NTSR1: variants seen among roughly 807,000 people sequenced by gnomAD.
NTSR1 encodes the protein neurotensin receptor 1, also known as neurotensin receptor type 1.
Under a neutral mutation model 31.2 loss-of-function variants are expected in NTSR1, and 29 were observed. That is an observed-to-expected ratio of 0.93 (90% CI 0.69 to 1.27). NTSR1 has a LOEUF of 1.27. Ranked by LOEUF, NTSR1 falls within the 50% of genes most tolerant of loss-of-function variation. The pLI, the probability that NTSR1 is intolerant of heterozygous loss-of-function variation, is 0.00. For synonymous variants in NTSR1, 282 were observed against 269.9 expected (o/e 1.04, Z -0.44); for missense variants, 697 against 595.4 (o/e 1.17, Z -1.78).
chr20:62,709,718 T>C lies in NTSR1; in HGVS notation c.511T>C (p.Cys171Arg), dbSNP rs751572351. ...GAGTGTGGAGCGCTACCTGGCCATC[T>C]GCCACCCCTTCAAGGCCAAGACCCT... is the stretch of plus-strand genomic sequence containing the variant. ...SLSVERYLAI[C>R]HPFKAKTLMS... Residue 171 changes from cysteine to arginine, a missense_variant, in exon 1 of 4, where the codon TGC (cysteine) becomes CGC (arginine). By Grantham distance (180) the Cys-to-Arg change is radical. Coordinates refer to ENST00000370501, the MANE Select transcript of NTSR1 (RefSeq NM_002531.3). 8 of 1,612,774 alleles carry C rather than the reference T, an allele frequency of 5.0e-6. No individual in the cohort carries two copies. The highest frequency in any genetic ancestry group is 1.7e-5 in the Admixed American group (1 of 59,990).
rs1252298817 is a variant in NTSR1 at position 62,758,040 on chromosome 20, ATGT to A, written c.917-225_917-223del. ...TCAGGTGCAGTGGGTCTCTGAGCCC[ATGT>A]CCTGTCTCTGAGCCCACGTCTCTGT... On this transcript the variant is annotated intron_variant, in intron 2 of 3. Coordinates refer to ENST00000370501, the MANE Select transcript of NTSR1 (RefSeq NM_002531.3). This position sits in a 1 kb window ranked among gnomAD's most constrained non-coding sequence, Gnocchi z 4.5. Among the ~76,000 whole-genome samples, 2 of 140,116 alleles carry A rather than the reference ATGT, an allele frequency of 1.4e-5. No homozygotes were observed. Among genetic ancestry groups the A allele is most frequent in the African/African-American group, 2.8e-5 (1 of 36,156 alleles). The allele number at this position is 140,116 out of a possible 152,430, so 91.9% of individuals were successfully genotyped here.
In NTSR1 at chr20:62,709,413, T is replaced by G; in HGVS notation, c.206T>G (p.Val69Gly). The G allele has an allele frequency of 6.2e-7, 1 of 1,611,074 alleles. No homozygotes were observed. Among genetic ancestry groups the G allele is most frequent in the African/African-American group, 1.3e-5 (1 of 75,036 alleles). The change falls in exon 1 of 4, where the codon GTG becomes GGG. Residue 69 changes from valine to glycine, a missense_variant. Val to Gly is a moderately radical substitution (Grantham distance 109, BLOSUM62 -3). Coordinates refer to ENST00000370501, the MANE Select transcript of NTSR1 (RefSeq NM_002531.3). ...TACTCCAAGGTGCTGGTGACCGCCG[T>G]GTACCTGGCGCTCTTCGTGGTGGGC... ...DIYSKVLVTA[V>G]YLALFVVGTV...
rs1477912816 is a variant in NTSR1, at chr20:62,742,749, G to A, written c.715-11936G>A. ...CCTCACTCCTGGAAAGCGCTGGGCT[G>A]TGTCACCTTAAAGACCCCTTTGCTC... On this transcript the variant is annotated intron_variant, in intron 1 of 3. Transcript: ENST00000370501. This position sits in a 1 kb window ranked among gnomAD's most constrained non-coding sequence, Gnocchi z 7.1. Among the ~76,000 whole-genome samples the A allele has an allele frequency of 6.7e-6, 1 of 149,246 alleles. No homozygotes were observed. Among genetic ancestry groups the A allele is most frequent in the African/African-American group, 2.5e-5 (1 of 39,894 alleles).
chr20:62,754,591 G>A, intron 1 of NTSR1, 94 bp from the exon 2 acceptor site: 1 of 1,017,996 alleles, frequency 9.8e-7, no homozygotes, highest in Non-Finnish European at 1.5e-6. Context: ...ACACTGAGCA[G>A]GCCTGACACC....
intron 1 of NTSR1, among the ~76,000 whole-genome samples, chr20:62,712,916 T>C (rs1988644462): frequency 6.6e-6 from 1 of 152,198 alleles, no homozygotes; most frequent in African/African-American, 2.4e-5. Context: ...CAGAGTCCCA[T>C]GCTTATCTGT....
chr20:62,719,245 A>C (rs1377171190), intron 1 of NTSR1, among the ~76,000 whole-genome samples: 1 of 152,030 alleles, frequency 6.6e-6, no homozygotes, highest in African/African-American at 2.4e-5. Context: ...AATGAATGTT[A>C]AATTTTGTGC....
chr20:62,716,444 G>A (rs923639769), intron 1 of NTSR1, among the ~76,000 whole-genome samples: 18 of 112,852 alleles, frequency 1.6e-4, no homozygotes, highest in Non-Finnish European at 2.9e-4. Context: ...GGGGCGCTGG[G>A]AACTCTGGGG....
chr20:62,740,308 T>TTCCCGGG (rs1989181983), intron 1 of NTSR1, among the ~76,000 whole-genome samples: 1 of 150,144 alleles, frequency 6.7e-6, no homozygotes, highest in Non-Finnish European at 1.5e-5. Flanking sequence ...TTACAAGCCG[T>TTCCCGGG]GCAGGCCGGA....
At chr20:62,722,308 A>T (rs1988837847) in intron 1 of NTSR1, among the ~76,000 whole-genome samples, 1 of 152,182 alleles carries the variant, frequency 6.6e-6, no homozygotes, top group Non-Finnish European at 1.5e-5. Flanking sequence ...ATTCTGTCTT[A>T]GCTGGGGTGG....
At chr20:62,716,573 G>T (rs1433413751) in intron 1 of NTSR1, among the ~76,000 whole-genome samples, 2 of 152,216 alleles carry the variant, frequency 1.3e-5, no homozygotes, top group South Asian at 2.1e-4. Context: ...TAGACTGAGG[G>T]GTGGATTTCA....
intron 1 of NTSR1, among the ~76,000 whole-genome samples, chr20:62,723,297 G>A (rs1348048885): frequency 1.3e-5 from 2 of 152,220 alleles, no homozygotes; most frequent in African/African-American, 2.4e-5. Context: ...ACAGCCGTGG[G>A]ATGCTGCTGT....
At chr20:62,716,132 C>T (rs1373185595) in intron 1 of NTSR1, among the ~76,000 whole-genome samples, 7 of 152,172 alleles carry the variant, frequency 4.6e-5, no homozygotes, top group African/African-American at 7.2e-5. Context: ...GTGCAACCGT[C>T]GCCACCATCC....
chr20:62,758,375 G>C lies in NTSR1; in HGVS notation c.1007+19G>C, dbSNP rs766424810. 5.6e-6 allele frequency: 9 copies of C among 1,608,482 alleles called. No homozygotes were observed. The Middle Eastern group carries it at 6.6e-4, about 118-fold the overall frequency. On this transcript the variant is annotated intron_variant, in intron 3 of 3. Transcript: ENST00000370501. This position sits in a 1 kb window ranked among gnomAD's most constrained non-coding sequence, Gnocchi z 4.5. ...GGACTCCGTGAGTACCGGGAACCAG[G>C]AAGTTGGGTGCTGGACAAGTAAGTG...
In NTSR1 at chr20:62,711,908, G is replaced by A. The variant is rs1338029719; in HGVS notation, c.714+1987G>A. Among the ~76,000 whole-genome samples the A allele has an allele frequency of 2.0e-5, 3 of 152,240 alleles. No homozygotes were observed. The highest frequency in any genetic ancestry group is 6.5e-5 in the Admixed American group (1 of 15,292). ...TCGTCCAATCGCAGAGGCCTGTGAC[G>A]TATCAACCGTAGGACAGCGGCCCCA... On this transcript the variant is annotated intron_variant, in intron 1 of 3. Transcript: ENST00000370501. This position sits in a 1 kb window ranked among gnomAD's most constrained non-coding sequence, Gnocchi z 6.4.
chr20:62,720,221 A>G (rs1988808102), intron 1 of NTSR1, among the ~76,000 whole-genome samples: 2 of 151,964 alleles, frequency 1.3e-5, no homozygotes, highest in Admixed American at 6.6e-5. Flanking sequence ...AATCGCTTTA[A>G]CTCGGGAGGT....
intron 1 of NTSR1, among the ~76,000 whole-genome samples, chr20:62,749,299 G>A (rs1401959906): frequency 1.3e-5 from 2 of 152,040 alleles, no homozygotes; most frequent in African/African-American, 4.8e-5. Context: ...AAATTAGCCG[G>A]GTGTGGTGGC....
At chr20:62,716,191 AC>A (rs1226769865) in intron 1 of NTSR1, among the ~76,000 whole-genome samples, 1 of 151,224 alleles carries the variant, frequency 6.6e-6, no homozygotes, top group Non-Finnish European at 1.5e-5. Context: ...TCCCCATTAA[AC>A]CCTGACCCCC....
chr20:62,709,486 G>T lies in NTSR1; in HGVS notation c.279G>T (p.Ser93=). 1 of 1,612,592 alleles carries T rather than the reference G, an allele frequency of 6.2e-7. No homozygotes were observed. The highest frequency in any genetic ancestry group is 8.5e-7 in the Non-Finnish European group (1 of 1,179,840). Residue 93 remains serine, a synonymous_variant, in exon 1 of 4, where the codon TCG becomes TCT. Transcript: ENST00000370501. The stretch of plus-strand genomic sequence containing the variant: ...CGTTCACGCTGGCGCGGAAGAAGTC[G>T]CTGCAGAGCCTGCAGAGCACGGTGC... The part of the protein sequence containing the change: ...VTAFTLARKK[S]LQSLQSTVHY...
rs757097550 is a variant in NTSR1 at position 62,709,283 on chromosome 20, C to A, written c.76C>A (p.Leu26Met). Residue 26 changes from leucine to methionine, a missense_variant, in exon 1 of 4, where the codon CTG becomes ATG. Physicochemically the swap from Leu to Met is conservative, Grantham distance 15. Coordinates refer to ENST00000370501, the MANE Select transcript of NTSR1 (RefSeq NM_002531.3). The stretch of plus-strand genomic sequence containing the variant: ...CCCCTTCCAGCGGGCGCAGGCCGGA[C>A]TGGAGGAGGCGCTGCTGGCCCCGGG... The part of the protein sequence containing the change: ...ADPFQRAQAG[L>M]EEALLAPGFG... 1.9e-6 allele frequency: 3 copies of A among 1,583,794 alleles called. No individual in the cohort carries two copies. The South Asian group carries it at 3.4e-5, about 18-fold the overall frequency.
Sources: allele counts gnomAD v4.1 joint callset (sites outside exome capture counted in the v4.1 genomes callset), GRCh38; gene constraint gnomAD v4.1.1; non-coding constraint Gnocchi (gnomAD v3.1); transcripts MANE v1.5; gene names NCBI Gene and HGNC (gene_info 2026-07-23, HGNC 2026-07-21).